PDE7B: variants seen among roughly 807,000 people sequenced by gnomAD.
PDE7B encodes 3',5'-cyclic-AMP phosphodiesterase 7B.
Under a neutral mutation model 56.2 loss-of-function variants are expected in PDE7B, and 29 were observed. The ratio of observed to expected loss-of-function variants is 0.52; its 90% confidence interval spans 0.38 to 0.70. PDE7B has a LOEUF of 0.70. Ranked by LOEUF, PDE7B falls within the 30% of genes least tolerant of loss-of-function variation. The probability of loss-of-function intolerance (pLI) is 0.00; values close to 1 mark genes in which losing one functional copy is unlikely to be tolerated. For synonymous variants in PDE7B, 197 were observed against 196.9 expected, an observed-to-expected ratio of 1.00 and a Z score of 0.00; for missense variants, 490 against 565.0, an observed-to-expected ratio of 0.87 and a Z score of 1.35.
chr6:135,966,933 G>T (rs994812093), intron 2 of PDE7B, among the ~76,000 whole-genome samples: 2 of 152,128 alleles, frequency 1.3e-5, no homozygotes, highest in Non-Finnish European at 2.9e-5. Flanking sequence ...AGGAAGAAAT[G>T]AGTGTGGCCC....
chr6:135,934,087 A>G (rs941366328), intron 1 of PDE7B, among the ~76,000 whole-genome samples: 2 of 152,188 alleles, frequency 1.3e-5, no homozygotes, highest in Admixed American at 6.5e-5. Context: ...CTAGAGCGTA[A>G]GTACTAATAA....
intron 3 of PDE7B, among the ~76,000 whole-genome samples, chr6:136,118,774 G>T (rs1777879689): frequency 6.6e-6 from 1 of 151,940 alleles, no homozygotes; most frequent in African/African-American, 2.4e-5. Context: ...TATAAATTAT[G>T]AAAATTTTCT....
At chr6:135,901,978 T>A (rs762871805) in intron 1 of PDE7B, among the ~76,000 whole-genome samples, 3 of 152,136 alleles carry the variant, frequency 2.0e-5, no homozygotes, top group Non-Finnish European at 2.9e-5. Context: ...TCAGCTTCCA[T>A]ATCTGGTTGA....
chr6:136,158,364 G>A (rs1395868496), intron 8 of PDE7B, among the ~76,000 whole-genome samples: 1 of 152,090 alleles, frequency 6.6e-6, no homozygotes, highest in Non-Finnish European at 1.5e-5. Flanking sequence ...GTACATATAC[G>A]CACAAAAATT....
intron 2 of PDE7B, among the ~76,000 whole-genome samples, chr6:136,090,025 C>T (rs1777360487): frequency 6.6e-6 from 1 of 152,108 alleles, no homozygotes; most frequent in African/African-American, 2.4e-5. Flanking sequence ...ATTGTGTAGG[C>T]CCTCTGAGAT....
At chr6:136,075,449 C>T (rs550449680) in intron 2 of PDE7B, among the ~76,000 whole-genome samples, 99 of 152,226 alleles carry the variant, frequency 6.5e-4, no homozygotes, top group Admixed American at 9.2e-4. Flanking sequence ...ATAGCACAAT[C>T]GCTGGAACAC....
intron 1 of PDE7B, among the ~76,000 whole-genome samples, chr6:135,908,821 AAG>A (rs980041619): frequency 6.6e-6 from 1 of 152,218 alleles, no homozygotes; most frequent in African/African-American, 2.4e-5. Context: ...AAAGAAAAGA[AAG>A]AGAATAAGAT....
intron 1 of PDE7B, among the ~76,000 whole-genome samples, chr6:135,918,229 A>C (rs1773994162): frequency 6.6e-6 from 1 of 152,100 alleles, no homozygotes. Context: ...CTAGACAGAG[A>C]GCTGGGGCAA....
At position 136,053,997 on chromosome 6, in the gene PDE7B, C is replaced by T. The variant is rs1008781675; in HGVS notation, c.83-54734C>T. Among the ~76,000 whole-genome samples the T allele has an allele frequency of 1.8e-4, 27 of 151,960 alleles. 1 individual carries two copies. Among genetic ancestry groups the T allele is most frequent in the African/African-American group, 4.8e-4 (20 of 41,432 alleles). Reference sequence around the variant, plus strand: ...TAGATTGCAGAAATTTTCTCCCATTCTGTAGGTTGCCTGTTCACTCTGATG... The same window carrying T: ...TAGATTGCAGAAATTTTCTCCCATTTTGTAGGTTGCCTGTTCACTCTGATG... On this transcript the variant is annotated intron_variant, in intron 2 of 12. Transcript: ENST00000308191.
chr6:136,156,785 G>C (rs1422756834), intron 8 of PDE7B, among the ~76,000 whole-genome samples: 1 of 152,090 alleles, frequency 6.6e-6, no homozygotes, highest in East Asian at 1.9e-4. Flanking sequence ...AATAAAAATT[G>C]TTTAAAAGGA....
intron 7 of PDE7B, among the ~76,000 whole-genome samples, chr6:136,155,015 A>T (rs1778581466): frequency 6.6e-6 from 1 of 152,212 alleles, no homozygotes; most frequent in Non-Finnish European, 1.5e-5. Flanking sequence ...CAAGTAGTCT[A>T]AACATTGTAC....
chr6:136,041,049 G>A (rs564408322), intron 2 of PDE7B, among the ~76,000 whole-genome samples: 1 of 152,262 alleles, frequency 6.6e-6, no homozygotes, highest in Non-Finnish European at 1.5e-5. Context: ...AACATTCTGT[G>A]TATATTTTGA....
At position 136,068,552 on chromosome 6, in the gene PDE7B, T is replaced by TCC. The variant is rs1245039540; in HGVS notation, c.83-40178_83-40177insCC. Among the ~76,000 whole-genome samples, 30 of 148,206 alleles carry TCC rather than the reference T, an allele frequency of 2.0e-4. No individual in the cohort carries two copies. In the East Asian group the frequency reaches 4.4e-3, roughly 22 times the overall value. The stretch of plus-strand genomic sequence containing the variant: ...TTCACACCATTCTCCTGCCTCAGCC[T>TCC]CAAGAGTAGCTGGGACTACAGGCGC... On this transcript the variant is annotated intron_variant, in intron 2 of 12. Coordinates refer to ENST00000308191, the MANE Select transcript of PDE7B (RefSeq NM_018945.4).
chr6:135,968,251 A>C (rs1049992798), intron 2 of PDE7B, among the ~76,000 whole-genome samples: 3 of 152,206 alleles, frequency 2.0e-5, no homozygotes, highest in Admixed American at 6.5e-5. Flanking sequence ...GCACGGGCAA[A>C]GATTTCATGA....
chr6:136,094,220 C>T (rs1583877421), intron 2 of PDE7B: 1 of 152,208 alleles, frequency 6.6e-6, no homozygotes, highest in East Asian at 1.9e-4. Context: ...TTAATCACTT[C>T]CCAAAAGGCC....
At chr6:135,913,626 A>G (rs1368764093) in intron 1 of PDE7B, among the ~76,000 whole-genome samples, 6 of 152,200 alleles carry the variant, frequency 3.9e-5, no homozygotes, top group Non-Finnish European at 8.8e-5. Flanking sequence ...TAAAAGAAAA[A>G]AAGTTTCCTT....
chr6:136,092,587 C>T (rs779794131), intron 2 of PDE7B, among the ~76,000 whole-genome samples: 1 of 152,092 alleles, frequency 6.6e-6, no homozygotes, highest in Non-Finnish European at 1.5e-5. Context: ...ATGGTGAAAC[C>T]ACAACTCTAC....
rs1328291305 is a variant in PDE7B at position 136,074,763 on chromosome 6, C to CT, written c.83-33962dup. 2.0e-5 allele frequency among the ~76,000 whole-genome samples: 3 copies of CT among 152,234 alleles called. No individual in the cohort carries two copies. In the East Asian group the frequency reaches 5.8e-4, roughly 29 times the overall value. On this transcript the variant is annotated intron_variant, in intron 2 of 12. Transcript: ENST00000308191. ...TTGTTGCAAATGACTGGATCTCATT[C>CT]TTTTTTATGGCTGAATAGTACTCCA... is the stretch of plus-strand genomic sequence containing the variant.
chr6:135,893,808 C>T (rs980021785), intron 1 of PDE7B, among the ~76,000 whole-genome samples: 10 of 152,090 alleles, frequency 6.6e-5, no homozygotes, highest in Non-Finnish European at 1.3e-4. Flanking sequence ...TTAATAATGA[C>T]AATATCTTCT....
Sources: allele counts gnomAD v4.1 joint callset (sites outside exome capture counted in the v4.1 genomes callset), GRCh38; gene constraint gnomAD v4.1.1; transcripts MANE v1.5; gene names NCBI Gene and HGNC (gene_info 2026-07-23, HGNC 2026-07-21).